Variants in REG4 observed in about 807,000 individuals in gnomAD.
The protein encoded by REG4 is regenerating family member 4, also known as regenerating islet-derived protein 4.
A neutral mutation model predicts 22.3 loss-of-function variants in REG4; 16 were observed. The observed-to-expected ratio is 0.72, with a 90% CI of 0.49 to 1.09. The LOEUF is 1.09. REG4 is among the 50% of genes least tolerant of loss of function. The pLI is 0.00. For synonymous variants in REG4, 71 were observed against 69.2 expected (o/e 1.03, Z -0.13); for missense variants, 214 against 193.9 (o/e 1.10, Z -0.61).
At chr1:119,807,263 G>A in intron 2 of REG4, among the ~76,000 whole-genome samples, 1 of 152,200 alleles carries the variant, frequency 6.6e-6, no homozygotes, top group East Asian at 1.9e-4. Flanking sequence ...CTTAAGTACA[G>A]CAGTGCAAAG....
intron 5 of REG4, among the ~76,000 whole-genome samples, chr1:119,797,166 G>C (rs1653958355): frequency 6.8e-6 from 1 of 147,426 alleles, no homozygotes; most frequent in African/African-American, 2.5e-5. Flanking sequence ...TCCTGGGGTA[G>C]CTCATTATGT....
intron 3 of REG4, chr1:119,802,583 G>T: frequency 8.4e-7 from 1 of 1,196,688 alleles, no homozygotes; most frequent in Non-Finnish European, 1.0e-6. Context: ...AAATAAAATG[G>T]ACAGGTTTGT....
intron 3 of REG4, among the ~76,000 whole-genome samples, chr1:119,800,235 T>C (rs1383997361): frequency 6.6e-6 from 1 of 152,224 alleles, no homozygotes; most frequent in Non-Finnish European, 1.5e-5. Context: ...CCTATTGTAT[T>C]ATAGTACTGC....
intron 5 of REG4, among the ~76,000 whole-genome samples, chr1:119,796,587 G>T (rs1653944154): frequency 6.6e-6 from 1 of 152,128 alleles, no homozygotes; most frequent in Non-Finnish European, 1.5e-5. Context: ...AACTGAGTGG[G>T]GAGCAAAATC....
At chr1:119,802,846 T>C in intron 3 of REG4, 1 of 1,544,930 alleles carries the variant, frequency 6.5e-7, no homozygotes, top group Non-Finnish European at 8.8e-7. Flanking sequence ...CCGTATGTGC[T>C]TGTAGCCCAT....
At chr1:119,798,381 G>A in intron 5 of REG4, 116 bp downstream of exon 5, 2 of 766,800 alleles carry the variant, frequency 2.6e-6, no homozygotes, top group Non-Finnish European at 4.6e-6. Context: ...GGAGAAAAGA[G>A]TTGTTGGTGT....
At position 119,808,725 on chromosome 1, in the gene REG4, C is replaced by G; in HGVS notation, c.45G>C (p.Leu15=). 6.2e-7 allele frequency: 1 copy of G among 1,614,002 alleles called. No individual in the cohort carries two copies. Among genetic ancestry groups the G allele is most frequent in the Non-Finnish European group, 8.5e-7 (1 of 1,179,912 alleles). The change falls in exon 2 of 6, where the codon CTG becomes CTC. Residue 15 remains leucine, a synonymous_variant. Coordinates refer to ENST00000256585, the MANE Select transcript of REG4 (RefSeq NM_032044.4). ...CACCACCCAGGACTCCTGTTTTGGC[C>G]AGGCAGCTCAGCAATAGGAGCAGCC... The part of the protein sequence containing the change: ...SMRLLLLLSC[L]AKTGVLGDII...
In REG4 at chr1:119,803,094, T is replaced by C. The variant is rs767583641; in HGVS notation, c.139A>G (p.Lys47Glu). The change falls in exon 3 of 6, where the codon AAG (lysine) becomes GAG (glutamate). Residue 47 changes from lysine to glutamate, a missense_variant. Coordinates refer to ENST00000256585, the MANE Select transcript of REG4 (RefSeq NM_032044.4). ...HKSNCYGYFR[K>E]LRNWSDAELE... Reference sequence around the variant, plus strand: ...TCGGCATCAGACCAGTTCCTCAGCTTCCTGAAGTAACCATAGCAATTGGAC... The same window carrying C: ...TCGGCATCAGACCAGTTCCTCAGCTCCCTGAAGTAACCATAGCAATTGGAC... 6.3e-7 allele frequency: 1 copy of C among 1,579,592 alleles called. No individual in the cohort carries two copies.
chr1:119,802,906 T>G, intron 3 of REG4, 162 bp downstream of exon 3: 3 of 1,556,466 alleles, frequency 1.9e-6, no homozygotes, highest in Non-Finnish European at 2.6e-6. Flanking sequence ...CAGAATTGAA[T>G]GAGTTGAACA....
intron 2 of REG4, among the ~76,000 whole-genome samples, chr1:119,807,993 C>T (rs1478521333): frequency 6.6e-6 from 1 of 152,210 alleles, no homozygotes; most frequent in East Asian, 1.9e-4. Context: ...CCACATGGGA[C>T]TGTGAAAGGC....
At chr1:119,806,495 ATCC>A (rs1159325503) in intron 2 of REG4, among the ~76,000 whole-genome samples, 1 of 152,204 alleles carries the variant, frequency 6.6e-6, no homozygotes, top group Non-Finnish European at 1.5e-5. Flanking sequence ...ATTGCTTTAA[ATCC>A]TACATGGGTC....
At chr1:119,796,576 A>G (rs2101065694) in intron 5 of REG4, among the ~76,000 whole-genome samples, 1 of 152,330 alleles carries the variant, frequency 6.6e-6, no homozygotes, top group East Asian at 1.9e-4. Flanking sequence ...AAAAAAATAG[A>G]AACTGAGTGG....
chr1:119,808,653 T>C (rs1333769703), intron 2 of REG4, 50 bp downstream of exon 2: 3 of 1,282,658 alleles, frequency 2.3e-6, no homozygotes, highest in East Asian at 4.6e-5. Context: ...TCACATGGGC[T>C]GTGTGAACAC....
rs1326705716 is a variant in REG4 at position 119,811,434 on chromosome 1, G to A, written c.-120C>T. The A allele has an allele frequency of 1.0e-5, 1 of 96,944 alleles. No individual in the cohort carries two copies. The highest frequency in any genetic ancestry group is 4.2e-4 in the South Asian group (1 of 2,372). The allele number at this position is 96,944 out of a possible 1,614,324, so 6.0% of individuals were successfully genotyped here. A position where few individuals can be genotyped will look rare whatever the true frequency, so the allele number is the denominator to read the frequency against. ...CTGTTTGGCAACCAAGACTCTAAGGGCCCCTGCCTTCTTCAGTGTCTCCAG... is the reference window on the plus strand; with the variant it reads ...CTGTTTGGCAACCAAGACTCTAAGGACCCCTGCCTTCTTCAGTGTCTCCAG... On this transcript the variant is annotated 5_prime_UTR_variant, in exon 1 of 6. Coordinates refer to ENST00000256585, the MANE Select transcript of REG4 (RefSeq NM_032044.4).
intron 2 of REG4, among the ~76,000 whole-genome samples, chr1:119,805,202 T>A (rs1296749376): frequency 1.3e-5 from 2 of 152,200 alleles, no homozygotes; most frequent in Non-Finnish European, 2.9e-5. Flanking sequence ...TACGTAAAAA[T>A]TGATCTTCTT....
At chr1:119,795,082 A>C (rs1329075597) in intron 5 of REG4, among the ~76,000 whole-genome samples, 2 of 152,194 alleles carry the variant, frequency 1.3e-5, no homozygotes, top group African/African-American at 4.8e-5. Context: ...GAGACTTCAC[A>C]GCCCCCACAA....
intron 4 of REG4, among the ~76,000 whole-genome samples, chr1:119,799,090 A>C (rs587630275): frequency 6.6e-6 from 1 of 152,284 alleles, no homozygotes; most frequent in Non-Finnish European, 1.5e-5. Flanking sequence ...CAGTTTTATT[A>C]AGAAGCAGGA....
chr1:119,808,819 A>G lies in REG4; in HGVS notation c.-50T>C, dbSNP rs191792503. The G allele has an allele frequency of 2.1e-5, 29 of 1,390,566 alleles. No individual in the cohort carries two copies. Among genetic ancestry groups the G allele is most frequent in the Non-Finnish European group, 3.0e-5 (29 of 982,414 alleles). 86.1% of individuals were successfully genotyped at this position (1,390,566 alleles called of 1,614,324 possible). A position where few individuals can be genotyped will look rare whatever the true frequency, so the allele number is the denominator to read the frequency against. On this transcript the variant is annotated 5_prime_UTR_variant, in exon 2 of 6. Transcript: ENST00000256585. ...CTAGTGCAAGGATCTCAGAGACCTT[A>G]CTAGCGCTTCTTTGAAACTCCTGGG...
chr1:119,799,922 T>C, intron 3 of REG4, 60 bp from the exon 4 acceptor site: 4 of 1,592,140 alleles, frequency 2.5e-6, no homozygotes, highest in Admixed American at 1.7e-5. Flanking sequence ...AGCCCTCCCC[T>C]CAGAACGCTA....
Sources: gnomAD v4.1 joint callset for allele counts (sites outside exome capture counted in the v4.1 genomes callset) on GRCh38, gnomAD v4.1.1 for gene constraint, MANE v1.5 for transcripts, NCBI Gene and HGNC (gene_info 2026-07-23, HGNC 2026-07-21) for gene names.